ALK: variants seen among roughly 807,000 people sequenced by gnomAD.
ALK encodes the protein ALK receptor tyrosine kinase, also known as ALK tyrosine kinase receptor.
In ALK, 74 loss-of-function variants were observed where a neutral mutation model predicts 163.1. The observed-to-expected ratio is 0.45, with a 90% CI of 0.38 to 0.55. The LOEUF (loss-of-function observed/expected upper bound fraction) is 0.55, where lower values mean the gene tolerates loss of function less well. Ranked by LOEUF, ALK falls within the 20% of genes least tolerant of loss-of-function variation. ALK has a pLI of 0.00. For missense variants in ALK, 2,063 were observed against 2,105.3 expected, an observed-to-expected ratio of 0.98 and a Z score of 0.39; for synonymous variants, 960 against 843.2, an observed-to-expected ratio of 1.14 and a Z score of -2.40.
chr2:29,321,510 A>G (rs1407308296), intron 6 of ALK, among the ~76,000 whole-genome samples: 2 of 152,236 alleles, frequency 1.3e-5, no homozygotes, highest in South Asian at 2.1e-4. Context: ...GCTCTGGCCA[A>G]TGAAATGTGA....
chr2:29,435,453 A>T (rs1170988209), intron 4 of ALK, among the ~76,000 whole-genome samples: 3 of 151,454 alleles, frequency 2.0e-5, no homozygotes, highest in South Asian at 4.2e-4. Context: ...TCGTAAGATT[A>T]AAAAAAAAGT....
chr2:29,430,355 A>G (rs1461289801), intron 4 of ALK, among the ~76,000 whole-genome samples: 5 of 152,218 alleles, frequency 3.3e-5, no homozygotes, highest in Non-Finnish European at 5.9e-5. Context: ...CAATAATAAA[A>G]AGACAACCAA....
At chr2:29,643,136 T>G (rs1374784133) in intron 3 of ALK, among the ~76,000 whole-genome samples, 1 of 152,004 alleles carries the variant, frequency 6.6e-6, no homozygotes, top group Non-Finnish European at 1.5e-5. Flanking sequence ...GAAGATAATC[T>G]TTTTGGCTGG....
intron 4 of ALK, among the ~76,000 whole-genome samples, chr2:29,486,514 CA>C (rs1671779699): frequency 4.6e-5 from 7 of 152,292 alleles, no homozygotes; most frequent in African/African-American, 1.7e-4. Context: ...TTCAGTGTTG[CA>C]CATAAAGTCA....
intron 3 of ALK, among the ~76,000 whole-genome samples, chr2:29,686,597 G>A (rs1678247955): frequency 1.3e-5 from 2 of 152,208 alleles, no homozygotes; most frequent in Non-Finnish European, 2.9e-5. Flanking sequence ...CCTAATGGCA[G>A]AGCTGGGACC....
intron 3 of ALK, among the ~76,000 whole-genome samples, chr2:29,538,722 A>G (rs865931576): frequency 6.6e-6 from 1 of 152,038 alleles, no homozygotes; most frequent in South Asian, 2.1e-4. Flanking sequence ...CATTCCACAC[A>G]CTGGAAAATT....
intron 5 of ALK, among the ~76,000 whole-genome samples, chr2:29,339,902 T>C (rs1667739938): frequency 6.6e-6 from 1 of 152,226 alleles, no homozygotes; most frequent in Non-Finnish European, 1.5e-5. Flanking sequence ...ACCGCCAAGA[T>C]TCCTGTAGGC....
intron 4 of ALK, among the ~76,000 whole-genome samples, chr2:29,522,451 T>C (rs1672839943): frequency 6.6e-6 from 1 of 152,154 alleles, no homozygotes; most frequent in Non-Finnish European, 1.5e-5. Flanking sequence ...AATTCCTATC[T>C]GGGATGCCAG....
intron 18 of ALK, among the ~76,000 whole-genome samples, 162 bp from the exon 19 acceptor site, chr2:29,225,727 C>A (rs529921305): frequency 1.2e-4 from 19 of 152,252 alleles, no homozygotes; most frequent in African/African-American, 3.4e-4. Context: ...ATGAGCAGGA[C>A]CAGACTCATC....
chr2:29,374,248 C>A (rs578054381), intron 5 of ALK, among the ~76,000 whole-genome samples: 2 of 152,114 alleles, frequency 1.3e-5, no homozygotes, highest in East Asian at 3.9e-4. Context: ...TTTAATTTCC[C>A]AAAAAACCTA....
At chr2:29,668,252 T>C (rs1464311661) in intron 3 of ALK, among the ~76,000 whole-genome samples, 1 of 152,068 alleles carries the variant, frequency 6.6e-6, no homozygotes, top group Non-Finnish European at 1.5e-5. Context: ...CTTCTGTATT[T>C]TTTTAGTCTC....
At chr2:29,625,091 C>T (rs10177364) in intron 3 of ALK, among the ~76,000 whole-genome samples, 95,028 of 152,072 alleles carry the variant, frequency 0.62, 30,721 homozygotes, top group Middle Eastern at 0.73. Context: ...TGTGTCCACA[C>T]TGGTGGCCGT....
intron 3 of ALK, among the ~76,000 whole-genome samples, chr2:29,633,131 C>T (rs374164875): frequency 2.6e-5 from 4 of 150,974 alleles, no homozygotes; most frequent in African/African-American, 9.7e-5. Context: ...CCTGAGCAGA[C>T]ATCTTACACT....
At chr2:29,289,331 AT>A (rs1164913646) in intron 9 of ALK, among the ~76,000 whole-genome samples, 2 of 152,192 alleles carry the variant, frequency 1.3e-5, no homozygotes, top group Non-Finnish European at 2.9e-5. Flanking sequence ...GGTAAGGAGA[AT>A]AAAGCATGGT....
At chr2:29,753,021 T>G (rs1198274621) in intron 1 of ALK, among the ~76,000 whole-genome samples, 1 of 152,150 alleles carries the variant, frequency 6.6e-6, no homozygotes, top group Non-Finnish European at 1.5e-5. Flanking sequence ...GGCTCATGTC[T>G]TCCTTGTCTC....
chr2:29,637,884 A>G (rs1676586335), intron 3 of ALK, among the ~76,000 whole-genome samples: 1 of 152,190 alleles, frequency 6.6e-6, no homozygotes, highest in Non-Finnish European at 1.5e-5. Flanking sequence ...ATATGAATCC[A>G]TAATTCTTTC....
chr2:29,731,466 CTT>C (rs932450891), intron 1 of ALK, among the ~76,000 whole-genome samples: 2 of 152,194 alleles, frequency 1.3e-5, no homozygotes, highest in African/African-American at 2.4e-5. Flanking sequence ...ATAATGGACT[CTT>C]TTTCTGCAAG....
At chr2:29,426,130 T>G (rs1358181320) in intron 4 of ALK, among the ~76,000 whole-genome samples, 1 of 152,188 alleles carries the variant, frequency 6.6e-6, no homozygotes, top group Admixed American at 6.5e-5. Flanking sequence ...AGCAGTTGGT[T>G]TAACAGAGAT....
intron 1 of ALK, among the ~76,000 whole-genome samples, chr2:29,867,755 T>C (rs1414933888): frequency 6.6e-6 from 1 of 152,192 alleles, no homozygotes; most frequent in Admixed American, 6.5e-5. Flanking sequence ...CTCAGCAAGC[T>C]GACTATGTGG....
Sources: gnomAD v4.1 joint callset for allele counts (sites outside exome capture counted in the v4.1 genomes callset) on GRCh38, gnomAD v4.1.1 for gene constraint, MANE v1.5 for transcripts, NCBI Gene and HGNC (gene_info 2026-07-23, HGNC 2026-07-21) for gene names.